XRCC4: variants seen among roughly 807,000 people sequenced by gnomAD.
XRCC4 encodes the protein X-ray repair cross complementing 4.
Under a neutral mutation model 39.1 loss-of-function variants are expected in XRCC4, and 28 were observed. The ratio of observed to expected loss-of-function variants is 0.72; its 90% confidence interval spans 0.53 to 0.98. The LOEUF (loss-of-function observed/expected upper bound fraction) is 0.98, where lower values mean the gene tolerates loss of function less well. Among genes scored for constraint, XRCC4 ranks in the 50% least tolerant of loss-of-function variants. XRCC4 has a pLI of 0.00. For missense variants in XRCC4, 350 were observed against 376.4 expected (o/e 0.93, Z 0.58); for synonymous variants, 123 against 126.4 (o/e 0.97, Z 0.18).
At position 83,094,711 on chromosome 5, in the gene XRCC4, C is replaced by T. The variant is rs187212039; in HGVS notation, c.-10-10199C>T. ...TTTTCCCAAAAGAGTTGAGGTTTCA[C>T]TCTGTCTCCCAGGCTGGAGACTGGA... On this transcript the variant is annotated intron_variant, in intron 1 of 7. Coordinates refer to ENST00000396027, the MANE Select transcript of XRCC4 (RefSeq NM_003401.5). Among the ~76,000 whole-genome samples the T allele has an allele frequency of 8.6e-5, 13 of 151,004 alleles. No individual in the cohort carries two copies. The East Asian group carries it at 2.2e-3, about 25-fold the overall frequency.
At chr5:83,175,458 T>C (rs967288678) in intron 3 of XRCC4, among the ~76,000 whole-genome samples, 1 of 152,226 alleles carries the variant, frequency 6.6e-6, no homozygotes, top group Non-Finnish European at 1.5e-5. Context: ...TAGTAAACTT[T>C]TGTAAATAAA....
At chr5:83,144,514 T>C (rs1748346936) in intron 3 of XRCC4, among the ~76,000 whole-genome samples, 1 of 127,392 alleles carries the variant, frequency 7.8e-6, no homozygotes, top group Non-Finnish European at 1.7e-5. Context: ...TTTAAAAATG[T>C]TTTCTTTTTT....
At chr5:83,324,082 T>C (rs561030205) in intron 7 of XRCC4, among the ~76,000 whole-genome samples, 4 of 152,240 alleles carry the variant, frequency 2.6e-5, no homozygotes, top group African/African-American at 9.6e-5. Flanking sequence ...TTTGACAATT[T>C]TTGTTAGAGC....
chr5:83,139,371 A>G (rs1748055043), intron 3 of XRCC4, among the ~76,000 whole-genome samples: 1 of 152,182 alleles, frequency 6.6e-6, no homozygotes, highest in Non-Finnish European at 1.5e-5. Flanking sequence ...TGATATTCTT[A>G]AGCATTACTG....
chr5:83,236,391 T>C (rs1442228922), intron 6 of XRCC4, among the ~76,000 whole-genome samples: 1 of 152,028 alleles, frequency 6.6e-6, no homozygotes, highest in African/African-American at 2.4e-5. Context: ...TGGAACAGAA[T>C]AGAGAACCCT....
At position 83,220,921 on chromosome 5, in the gene XRCC4, C is replaced by T. The variant is rs111891327; in HGVS notation, c.745+16000C>T. The stretch of plus-strand genomic sequence containing the variant: ...TAAGCTACATATTTTCTTTCTTTTT[C>T]GGTGACATCAGTGTTTTAAATAATT... On this transcript the variant is annotated intron_variant, in intron 6 of 7. Coordinates refer to ENST00000396027, the MANE Select transcript of XRCC4 (RefSeq NM_003401.5). Among the ~76,000 whole-genome samples, 1,186 of 152,108 alleles carry T rather than the reference C, an allele frequency of 7.8e-3. 11 individuals carry two copies. Among genetic ancestry groups the T allele is most frequent in the African/African-American group, 0.027 (1,137 of 41,490 alleles).
chr5:83,144,557 C>G (rs1325109413), intron 3 of XRCC4, among the ~76,000 whole-genome samples: 57 of 83,028 alleles, frequency 6.9e-4, no homozygotes, highest in African/African-American at 2.8e-3. Context: ...TCCCCACCCC[C>G]CCCCCCCCAC....
chr5:83,095,376 G>C (rs967952514), intron 1 of XRCC4, among the ~76,000 whole-genome samples: 4 of 152,158 alleles, frequency 2.6e-5, no homozygotes, highest in African/African-American at 9.7e-5. Flanking sequence ...GAGGTTAAGT[G>C]GATTGGGGTG....
intron 7 of XRCC4, among the ~76,000 whole-genome samples, chr5:83,310,431 AG>A (rs1399593172): frequency 6.6e-6 from 1 of 152,220 alleles, no homozygotes; most frequent in Non-Finnish European, 1.5e-5. Context: ...AGGGTGATCA[AG>A]AAAAAGAGCC....
the XRCC4 span, among the ~76,000 whole-genome samples, chr5:83,372,731 T>C: frequency 0.016 from 2,510 of 152,302 alleles, 58 homozygotes; most frequent in Middle Eastern, 0.054. Context: ...GTATAATTTC[T>C]AGCATGACAC....
chr5:83,082,052 C>G (rs1053094107), intron 1 of XRCC4, among the ~76,000 whole-genome samples: 10 of 151,918 alleles, frequency 6.6e-5, no homozygotes, highest in Non-Finnish European at 1.3e-4. Context: ...TGAAATATAT[C>G]TAGAATTCAA....
At chr5:83,253,293 A>G (rs1041447100) in intron 6 of XRCC4, among the ~76,000 whole-genome samples, 5 of 152,218 alleles carry the variant, frequency 3.3e-5, no homozygotes, top group South Asian at 4.1e-4. Context: ...ACGCAGGGCT[A>G]AGATCTTAGG....
At chr5:83,232,935 G>A (rs1752551230) in intron 6 of XRCC4, among the ~76,000 whole-genome samples, 1 of 152,058 alleles carries the variant, frequency 6.6e-6, no homozygotes, top group African/African-American at 2.4e-5. Context: ...CTAGCAAGAG[G>A]AACAGCCATA....
chr5:83,205,042 C>A, intron 6 of XRCC4, 121 bp downstream of exon 6: 1 of 665,806 alleles, frequency 1.5e-6, no homozygotes, highest in Non-Finnish European at 2.4e-6. Context: ...AATTCTTTAG[C>A]ATTTTTATTT....
chr5:83,246,220 C>T (rs1753094641), intron 6 of XRCC4, among the ~76,000 whole-genome samples: 1 of 151,750 alleles, frequency 6.6e-6, no homozygotes, highest in Non-Finnish European at 1.5e-5. Context: ...TCTACTTTTC[C>T]AGCTGTGTTA....
At chr5:83,166,249 G>A (rs1288581381) in intron 3 of XRCC4, among the ~76,000 whole-genome samples, 1 of 151,962 alleles carries the variant, frequency 6.6e-6, no homozygotes, top group Non-Finnish European at 1.5e-5. Context: ...CTTTGCTATT[G>A]TTTCAGTTGT....
intron 6 of XRCC4, among the ~76,000 whole-genome samples, chr5:83,208,004 T>C (rs1751485761): frequency 6.6e-6 from 1 of 152,072 alleles, no homozygotes; most frequent in African/African-American, 2.4e-5. Flanking sequence ...AATACATTTA[T>C]TCAGACTTTC....
At chr5:83,130,936 A>AT (rs1424268821) in intron 3 of XRCC4, among the ~76,000 whole-genome samples, 15 of 151,902 alleles carry the variant, frequency 9.9e-5, no homozygotes, top group Admixed American at 3.9e-4. Flanking sequence ...GGATTCATTG[A>AT]TTTTTTAAGG....
At chr5:83,158,340 A>C (rs548764830) in intron 3 of XRCC4, among the ~76,000 whole-genome samples, 1 of 152,140 alleles carries the variant, frequency 6.6e-6, no homozygotes, top group African/African-American at 2.4e-5. Flanking sequence ...TATCCTACAT[A>C]TAATAGTTTA....
Sources: gnomAD v4.1 joint callset for allele counts (sites outside exome capture counted in the v4.1 genomes callset) on GRCh38, gnomAD v4.1.1 for gene constraint, MANE v1.5 for transcripts, NCBI Gene and HGNC (gene_info 2026-07-23, HGNC 2026-07-21) for gene names.